Variants in CTNNA2 observed in about 807,000 individuals in gnomAD.
CTNNA2 encodes catenin alpha 2, also known as catenin alpha-2.
A neutral mutation model predicts 101.0 loss-of-function variants in CTNNA2; 42 were observed. That is an observed-to-expected ratio of 0.42 (90% CI 0.32 to 0.54). The LOEUF (loss-of-function observed/expected upper bound fraction) is 0.54. Ranked by LOEUF, CTNNA2 falls within the 20% of genes least tolerant of loss-of-function variation. CTNNA2 has a pLI of 0.14. For synonymous variants in CTNNA2, 450 were observed against 456.4 expected (o/e 0.99, Z 0.18); for missense variants, 871 against 1,223.1 (o/e 0.71, Z 4.29).
intron 2 of CTNNA2, among the ~76,000 whole-genome samples, chr2:79,307,622 G>A (rs1676277668): frequency 6.6e-6 from 1 of 152,056 alleles, no homozygotes; most frequent in Non-Finnish European, 1.5e-5. Flanking sequence ...CCCATCTGTT[G>A]TTGGACACCT....
Position 79,808,464 on chromosome 2 carries a change from A to G in CTNNA2, c.299-49549A>G, listed in dbSNP as rs547487707. ...GAAAGCCTGTCATAGCTTGAAGGCC[A>G]TAGTCAATCCCAAAGCATCTGAAGC... On this transcript the variant is annotated intron_variant, in intron 3 of 18. Transcript: ENST00000402739. 1.2e-4 allele frequency among the ~76,000 whole-genome samples: 18 copies of G among 152,342 alleles called. 1 individual carries two copies. The South Asian group carries it at 3.3e-3, about 28-fold the overall frequency.
At chr2:79,883,886 A>G (rs996694763) in intron 6 of CTNNA2, among the ~76,000 whole-genome samples, 1 of 152,174 alleles carries the variant, frequency 6.6e-6, no homozygotes, top group Non-Finnish European at 1.5e-5. Context: ...AAGGTATTAC[A>G]CCAAGAATCA....
chr2:80,529,328 A>G (rs1292134158), intron 9 of CTNNA2, among the ~76,000 whole-genome samples: 6 of 152,236 alleles, frequency 3.9e-5, no homozygotes, highest in African/African-American at 1.4e-4. Context: ...TATTTGGCCC[A>G]TAGACATAGA....
intron 9 of CTNNA2, among the ~76,000 whole-genome samples, chr2:80,511,072 T>A (rs1010841991): frequency 6.6e-6 from 1 of 152,206 alleles, no homozygotes; most frequent in Non-Finnish European, 1.5e-5. Context: ...TGAGCAACTT[T>A]AGAGAGCCAA....
At chr2:79,235,970 G>C (rs1208159948) in intron 2 of CTNNA2, among the ~76,000 whole-genome samples, 1 of 152,174 alleles carries the variant, frequency 6.6e-6, no homozygotes, top group Non-Finnish European at 1.5e-5. Context: ...AGGACTTCTT[G>C]GCTGGAAGCT....
At chr2:80,552,167 T>G (rs1692614706) in intron 11 of CTNNA2, among the ~76,000 whole-genome samples, 2 of 152,182 alleles carry the variant, frequency 1.3e-5, no homozygotes, top group South Asian at 4.1e-4. Flanking sequence ...CAAAGATCAC[T>G]GATCACAGAT....
At chr2:79,647,334 A>G (rs1204252389) in intron 1 of CTNNA2, among the ~76,000 whole-genome samples, 1 of 152,228 alleles carries the variant, frequency 6.6e-6, no homozygotes, top group Admixed American at 6.5e-5. Flanking sequence ...CAACATAACA[A>G]TAATAACAAA....
intron 1 of CTNNA2, among the ~76,000 whole-genome samples, chr2:79,600,781 A>C (rs548520163): frequency 1.8e-4 from 27 of 152,202 alleles, no homozygotes; most frequent in African/African-American, 6.5e-4. Context: ...GGCAGCAGCA[A>C]ATCCTATATC....
intron 7 of CTNNA2, among the ~76,000 whole-genome samples, chr2:80,050,582 TGAGCAA>T (rs1369321942): frequency 2.8e-4 from 42 of 152,316 alleles, no homozygotes; most frequent in African/African-American, 9.1e-4. Context: ...GCCAGCAACC[TGAGCAA>T]GAGTAAACAG....
In CTNNA2 at chr2:80,003,034, C is replaced by T. The variant is rs138154575; in HGVS notation, c.1056+93237C>T. ...TACCCACTTAGGTTAAGTGGTAAAA[C>T]GTGTTTTAAAAGCCTTACCTGGTGA... On this transcript the variant is annotated intron_variant, in intron 7 of 18. Coordinates refer to ENST00000402739, the MANE Select transcript of CTNNA2 (RefSeq NM_001282597.3). Among the ~76,000 whole-genome samples the T allele has an allele frequency of 3.4e-3, 511 of 152,150 alleles. 4 individuals carry two copies. The highest frequency in any genetic ancestry group is 0.021 in the Middle Eastern group (6 of 292).
chr2:80,320,275 C>A (rs573322185), intron 7 of CTNNA2, among the ~76,000 whole-genome samples: 1 of 152,166 alleles, frequency 6.6e-6, no homozygotes, highest in Non-Finnish European at 1.5e-5. Context: ...TTGTAAGGAC[C>A]ACTTCTAAAA....
Position 80,302,622 on chromosome 2 carries a change from C to T in CTNNA2, c.1057-90589C>T. 4 of 1,606,052 alleles carry T rather than the reference C, an allele frequency of 2.5e-6. No individual in the cohort carries two copies. Among genetic ancestry groups the T allele is most frequent in the Non-Finnish European group, 3.4e-6 (4 of 1,178,396 alleles). On this transcript the variant is annotated intron_variant, in intron 7 of 18. Coordinates refer to ENST00000402739, the MANE Select transcript of CTNNA2 (RefSeq NM_001282597.3). This position sits in a 1 kb window ranked among gnomAD's most constrained non-coding sequence, Gnocchi z 6.4. Reference sequence around the variant, plus strand: ...GGCTCGAATGTGCCGTCGTGCTGCCCCTCCCCGCCGTCCGCGAGCGTGGTG... The same window carrying T: ...GGCTCGAATGTGCCGTCGTGCTGCCTCTCCCCGCCGTCCGCGAGCGTGGTG...
At chr2:79,596,390 T>C (rs1023769728) in intron 1 of CTNNA2, among the ~76,000 whole-genome samples, 1 of 152,084 alleles carries the variant, frequency 6.6e-6, no homozygotes, top group Non-Finnish European at 1.5e-5. Context: ...TGTTATAATA[T>C]ATATAAGTTC....
intron 3 of CTNNA2, among the ~76,000 whole-genome samples, chr2:79,761,655 G>A (rs6731929): frequency 0.32 from 49,291 of 152,048 alleles, 10,464 homozygotes; most frequent in African/African-American, 0.61. Flanking sequence ...GCAGATTCAT[G>A]TGGGAGTATT....
intron 7 of CTNNA2, among the ~76,000 whole-genome samples, chr2:79,980,177 C>G (rs1040665994): frequency 3.9e-5 from 6 of 152,144 alleles, no homozygotes; most frequent in Non-Finnish European, 7.4e-5. Flanking sequence ...ATTAAGTAAA[C>G]TATGCAGGAG....
intron 5 of CTNNA2, among the ~76,000 whole-genome samples, chr2:79,873,355 T>C (rs1682736967): frequency 6.6e-6 from 1 of 152,178 alleles, no homozygotes; most frequent in African/African-American, 2.4e-5. Flanking sequence ...ACTTTGCTAA[T>C]GACTAAAGAG....
At chr2:79,798,772 A>AG (rs1240994095) in intron 3 of CTNNA2, among the ~76,000 whole-genome samples, 1 of 152,192 alleles carries the variant, frequency 6.6e-6, no homozygotes, top group Admixed American at 6.5e-5. Context: ...TCTGAAAGAC[A>AG]GGGATTTTGA....
At chr2:80,576,035 TA>T (rs1172581324) in intron 13 of CTNNA2, among the ~76,000 whole-genome samples, 1 of 152,168 alleles carries the variant, frequency 6.6e-6, no homozygotes, top group Non-Finnish European at 1.5e-5. Flanking sequence ...GAGTCTACTT[TA>T]AAAAATCCCT....
intron 3 of CTNNA2, among the ~76,000 whole-genome samples, chr2:79,847,157 C>T (rs1680292994): frequency 6.6e-6 from 1 of 152,070 alleles, no homozygotes; most frequent in Admixed American, 6.6e-5. Flanking sequence ...ACAAACTTCC[C>T]AAGATCTACC....
Sources: gnomAD v4.1 joint callset for allele counts (sites outside exome capture counted in the v4.1 genomes callset) on GRCh38, gnomAD v4.1.1 for gene constraint, Gnocchi (gnomAD v3.1) non-coding constraint, MANE v1.5 for transcripts, NCBI Gene and HGNC (gene_info 2026-07-23, HGNC 2026-07-21) for gene names.